The following IQCJ variants were observed in gnomAD, a reference collection of about 807,000 sequenced individuals.
IQCJ encodes the protein IQ domain-containing protein J.
A neutral mutation model predicts 11.0 loss-of-function variants in IQCJ; 9 were observed. The observed-to-expected ratio is 0.82, with a 90% CI of 0.49 to 1.43. The LOEUF (loss-of-function observed/expected upper bound fraction) is 1.43. Among genes scored for constraint, IQCJ ranks in the 40% most tolerant of loss-of-function variants. IQCJ has a pLI of 0.00. For missense variants in IQCJ, 146 were observed against 133.2 expected (o/e 1.10, Z -0.47); for synonymous variants, 55 against 51.3 (o/e 1.07, Z -0.31).
At chr3:159,170,277 A>T (rs937184777) in intron 1 of IQCJ, among the ~76,000 whole-genome samples, 1 of 152,122 alleles carries the variant, frequency 6.6e-6, no homozygotes, top group Non-Finnish European at 1.5e-5. Context: ...ATTTTTTTTC[A>T]AGATTATAAA....
chr3:159,102,867 C>T (rs866342667), intron 1 of IQCJ, among the ~76,000 whole-genome samples: 4 of 152,186 alleles, frequency 2.6e-5, no homozygotes, highest in East Asian at 1.9e-4. Context: ...CCAACTTCCC[C>T]ACTCAGATGA....
intron 1 of IQCJ, among the ~76,000 whole-genome samples, chr3:159,203,651 AGT>A (rs1179213498): frequency 6.6e-6 from 1 of 152,032 alleles, no homozygotes; most frequent in Non-Finnish European, 1.5e-5. Context: ...GTGCTGTATC[AGT>A]GTGTGTGTGA....
At chr3:159,101,270 G>A (rs1014266300) in intron 1 of IQCJ, among the ~76,000 whole-genome samples, 1 of 150,440 alleles carries the variant, frequency 6.6e-6, no homozygotes, top group Non-Finnish European at 1.5e-5. Flanking sequence ...CCACTGTCTG[G>A]CACTCCCTAG....
chr3:159,072,676 T>C (rs543353152), intron 1 of IQCJ, among the ~76,000 whole-genome samples: 1 of 152,246 alleles, frequency 6.6e-6, no homozygotes, highest in East Asian at 1.9e-4. Flanking sequence ...ATGGGCCAGC[T>C]ATGGGCCAGG....
intron 1 of IQCJ, among the ~76,000 whole-genome samples, chr3:159,195,743 C>G (rs970994563): frequency 2.6e-5 from 4 of 152,156 alleles, no homozygotes; most frequent in African/African-American, 9.7e-5. Context: ...AGCTATCACC[C>G]CCGTAGTGCA....
intron 1 of IQCJ, among the ~76,000 whole-genome samples, chr3:159,166,668 T>C (rs1272062756): frequency 6.6e-6 from 1 of 152,190 alleles, no homozygotes; most frequent in African/African-American, 2.4e-5. Flanking sequence ...TAAATATATT[T>C]ATCAGATTTT....
At chr3:159,182,028 T>G (rs987841953) in intron 1 of IQCJ, among the ~76,000 whole-genome samples, 7 of 151,848 alleles carry the variant, frequency 4.6e-5, no homozygotes, top group African/African-American at 1.7e-4. Context: ...ACTTGACCCC[T>G]GCACACTGGC....
chr3:159,215,039 T>C (rs1430597449), intron 1 of IQCJ, among the ~76,000 whole-genome samples: 1 of 152,152 alleles, frequency 6.6e-6, no homozygotes, highest in African/African-American at 2.4e-5. Context: ...ACCCCTATAG[T>C]AAAGACAGGT....
intron 1 of IQCJ, among the ~76,000 whole-genome samples, chr3:159,183,752 C>T (rs1179191451): frequency 1.3e-5 from 2 of 152,170 alleles, no homozygotes; most frequent in East Asian, 3.8e-4. Flanking sequence ...TGTGGAGGAT[C>T]AGGTGAGACA....
chr3:159,123,473 A>G (rs1354171927), intron 1 of IQCJ, among the ~76,000 whole-genome samples: 2 of 152,142 alleles, frequency 1.3e-5, no homozygotes, highest in East Asian at 1.9e-4. Flanking sequence ...GAGGTGGCCA[A>G]GGGACAGCTG....
At position 159,213,621 on chromosome 3, in the gene IQCJ, G is replaced by GAA. The variant is rs59817655; in HGVS notation, c.10-32215_10-32214dup. Among the ~76,000 whole-genome samples the GAA allele has an allele frequency of 2.6e-5, 4 of 151,584 alleles. No homozygotes were observed. The East Asian group carries it at 7.8e-4, about 29-fold the overall frequency. On this transcript the variant is annotated intron_variant, in intron 1 of 3. Coordinates refer to ENST00000397832, the MANE Select transcript of IQCJ (RefSeq NM_001042706.3). ...TTATTTTCATGCCTTCTACTTTCTGGAAAAAAAAGACACAAAACACCTTCC... is the reference window on the plus strand; with the variant it reads ...TTATTTTCATGCCTTCTACTTTCTGGAAAAAAAAAAGACACAAAACACCTTCC...
chr3:159,140,708 T>C (rs1202684557), intron 1 of IQCJ, among the ~76,000 whole-genome samples: 1 of 152,186 alleles, frequency 6.6e-6, no homozygotes, highest in Non-Finnish European at 1.5e-5. Context: ...TCATTAGGCA[T>C]GTTGTTCTAC....
At chr3:159,087,086 T>C (rs968471129) in intron 1 of IQCJ, among the ~76,000 whole-genome samples, 19 of 152,288 alleles carry the variant, frequency 1.2e-4, no homozygotes, top group Middle Eastern at 3.4e-3. Flanking sequence ...TTTTGAAATA[T>C]GTCCCATCAA....
chr3:159,113,327 T>C (rs950263762), intron 1 of IQCJ, among the ~76,000 whole-genome samples: 2 of 152,238 alleles, frequency 1.3e-5, no homozygotes, highest in Admixed American at 6.5e-5. Context: ...AAGAGGATGA[T>C]AGATGTGACC....
intron 1 of IQCJ, among the ~76,000 whole-genome samples, chr3:159,100,976 C>T (rs1267534247): frequency 9.5e-5 from 2 of 21,142 alleles, no homozygotes; most frequent in Admixed American, 4.3e-4. Context: ...GCCTCGTTGC[C>T]GCCTTGCAGT....
chr3:159,242,132 T>A (rs1412007487), intron 1 of IQCJ, among the ~76,000 whole-genome samples: 1 of 152,064 alleles, frequency 6.6e-6, no homozygotes, highest in Non-Finnish European at 1.5e-5. Flanking sequence ...AAGACCAATA[T>A]GGCTAGACAA....
intron 1 of IQCJ, among the ~76,000 whole-genome samples, chr3:159,228,598 G>A (rs1726001137): frequency 1.3e-5 from 2 of 152,036 alleles, no homozygotes; most frequent in Admixed American, 1.3e-4. Flanking sequence ...AGACCATCCC[G>A]GCTAAAAACG....
chr3:159,079,321 T>C (rs1716154401), intron 1 of IQCJ, among the ~76,000 whole-genome samples: 1 of 152,118 alleles, frequency 6.6e-6, no homozygotes, highest in African/African-American at 2.4e-5. Context: ...GATGATCTTC[T>C]TGCTCTGGGG....
At chr3:159,084,750 G>A (rs891593548) in intron 1 of IQCJ, among the ~76,000 whole-genome samples, 4 of 151,954 alleles carry the variant, frequency 2.6e-5, no homozygotes, top group African/African-American at 9.7e-5. Flanking sequence ...ATCATTTCAA[G>A]TTTTGGCAGA....
Sources: allele counts gnomAD v4.1 joint callset (sites outside exome capture counted in the v4.1 genomes callset), GRCh38; gene constraint gnomAD v4.1.1; transcripts MANE v1.5; gene names NCBI Gene and HGNC (gene_info 2026-07-23, HGNC 2026-07-21).